Variants in CLPB observed in about 807,000 individuals in gnomAD.
CLPB encodes ClpB family mitochondrial disaggregase.
CLPB carries 40 observed loss-of-function variants against 78.4 expected under a neutral mutation model. That is an observed-to-expected ratio of 0.51 (90% CI 0.40 to 0.66). The LOEUF is 0.66. Ranked by LOEUF, CLPB falls within the 30% of genes least tolerant of loss-of-function variation. The pLI is 0.00. For synonymous variants in CLPB, 333 were observed against 348.0 expected, an observed-to-expected ratio of 0.96 and a Z score of 0.48; for missense variants, 780 against 886.9, an observed-to-expected ratio of 0.88 and a Z score of 1.53.
intron 2 of CLPB, 133 bp downstream of exon 2, chr11:72,430,176 GACT>G: frequency 2.5e-6 from 2 of 808,268 alleles, no homozygotes; most frequent in South Asian, 1.5e-5. Context: ...GTGACTCTGT[GACT>G]ACAGAGATGT....
At chr11:72,307,319 T>C (rs1437839918) in intron 8 of CLPB, 65 bp from the exon 9 acceptor site, 1 of 1,315,698 alleles carries the variant, frequency 7.6e-7, no homozygotes, top group Non-Finnish European at 1.1e-6. Context: ...AATGAAAGAA[T>C]ACTAGAAATG....
At chr11:72,354,183 T>G (rs1228778470) in intron 5 of CLPB, 2 of 373,474 alleles carry the variant, frequency 5.4e-6, no homozygotes, top group African/African-American at 4.2e-5. Flanking sequence ...GCTCTTCCCT[T>G]GCAACCTCTC....
At chr11:72,313,199 G>A (rs1405567023) in intron 7 of CLPB, among the ~76,000 whole-genome samples, 1 of 152,068 alleles carries the variant, frequency 6.6e-6, no homozygotes, top group Non-Finnish European at 1.5e-5. Flanking sequence ...TCCTTCAGAG[G>A]GACTCTCATG....
Position 72,380,925 on chromosome 11 carries a change from T to C in CLPB, c.543-541A>G, listed in dbSNP as rs528779784. Among the ~76,000 whole-genome samples, 10 of 152,288 alleles carry C rather than the reference T, an allele frequency of 6.6e-5. No homozygotes were observed. The South Asian group carries it at 2.1e-3, about 32-fold the overall frequency. ...CTACAGCTCAAAGTGTGATAAAGGT[T>C]ACGACAGGAGAAACGTGCAGCAGAC... On this transcript the variant is annotated intron_variant, in intron 3 of 15. Transcript: ENST00000538039.
intron 3 of CLPB, among the ~76,000 whole-genome samples, chr11:72,402,603 G>C (rs1007535682): frequency 2.0e-5 from 3 of 152,212 alleles, no homozygotes; most frequent in Non-Finnish European, 2.9e-5. Context: ...ACTCACTGGG[G>C]ACAGTAACTG....
intron 14 of CLPB, 63 bp from the exon 15 acceptor site, chr11:72,294,189 C>T (rs1949505748): frequency 1.9e-6 from 3 of 1,605,788 alleles, no homozygotes; most frequent in East Asian, 2.2e-5. Context: ...TCTTGCCACT[C>T]TGGCCTGAGG....
intron 5 of CLPB, among the ~76,000 whole-genome samples, chr11:72,337,858 A>C (rs1214116931): frequency 6.6e-6 from 1 of 152,180 alleles, no homozygotes; most frequent in African/African-American, 2.4e-5. Flanking sequence ...GCTTTGTAGA[A>C]AGGGGACAAG....
chr11:72,375,890 CACA>C (rs1854682435), intron 4 of CLPB, among the ~76,000 whole-genome samples: 1 of 152,160 alleles, frequency 6.6e-6, no homozygotes, highest in African/African-American at 2.4e-5. Flanking sequence ...TCTTGATATT[CACA>C]ACAATACTGA....
At chr11:72,398,653 T>A (rs1484759050) in intron 3 of CLPB, among the ~76,000 whole-genome samples, 2 of 152,238 alleles carry the variant, frequency 1.3e-5, no homozygotes, top group African/African-American at 4.8e-5. Context: ...TCTGGGACCC[T>A]GTGGCTTAGC....
At chr11:72,375,374 T>C (rs1854657640) in intron 4 of CLPB, among the ~76,000 whole-genome samples, 1 of 152,186 alleles carries the variant, frequency 6.6e-6, no homozygotes, top group African/African-American at 2.4e-5. Context: ...TGTAGCCTTC[T>C]TCACTCTCCG....
chr11:72,379,808 T>G (rs542003953), intron 4 of CLPB, among the ~76,000 whole-genome samples: 8 of 152,252 alleles, frequency 5.3e-5, no homozygotes, highest in African/African-American at 1.9e-4. Context: ...TTCAGAGTAA[T>G]AGTATTTAGG....
At chr11:72,326,863 C>A (rs117705968) in intron 6 of CLPB, among the ~76,000 whole-genome samples, 4,405 of 152,280 alleles carry the variant, frequency 0.029, 110 homozygotes, top group Non-Finnish European at 0.04. Context: ...AGGAAAAATG[C>A]AGAACAGAAT....
In CLPB at chr11:72,297,636, G is replaced by GGTGTGT. The variant is rs67807556; in HGVS notation, c.1330-1994_1330-1989dup. On this transcript the variant is annotated intron_variant, in intron 11 of 15. Transcript: ENST00000538039. ...AGGGCAGTTCTAGTTTTGGGGACCA[G>GGTGTGT]GTGTGTGTGTGTGTGTGTGTGTGTG... Among the ~76,000 whole-genome samples, 709 of 93,428 alleles carry GGTGTGT rather than the reference G, an allele frequency of 7.6e-3. 27 individuals are homozygous for GGTGTGT. The highest frequency in any genetic ancestry group is 0.013 in the Middle Eastern group (2 of 160). The allele number at this position is 93,428 out of a possible 152,430, so 61.3% of individuals were successfully genotyped here. A position where few individuals can be genotyped will look rare whatever the true frequency, so the allele number is the denominator to read the frequency against.
chr11:72,310,565 G>A (rs1949827059), intron 7 of CLPB, among the ~76,000 whole-genome samples: 1 of 152,174 alleles, frequency 6.6e-6, no homozygotes, highest in African/African-American at 2.4e-5. Context: ...ATATTGAAAC[G>A]GCAAAGGCTA....
chr11:72,380,202 A>G, intron 4 of CLPB, 79 bp downstream of exon 4: 1 of 1,068,778 alleles, frequency 9.4e-7, no homozygotes, highest in Non-Finnish European at 1.4e-6. Context: ...AGTTGCTGGT[A>G]GAGCTGACAC....
At chr11:72,340,174 C>T (rs768392286) in intron 5 of CLPB, among the ~76,000 whole-genome samples, 18 of 152,140 alleles carry the variant, frequency 1.2e-4, no homozygotes, top group African/African-American at 2.2e-4. Context: ...ACTCGTCACA[C>T]GGGGAGGCTA....
intron 7 of CLPB, among the ~76,000 whole-genome samples, chr11:72,311,920 G>A (rs923169126): frequency 6.6e-6 from 1 of 152,200 alleles, no homozygotes; most frequent in Non-Finnish European, 1.5e-5. Context: ...TGTCACTACT[G>A]GACCATCTGA....
chr11:72,405,406 C>G (rs1017162238), intron 2 of CLPB, among the ~76,000 whole-genome samples: 3 of 152,104 alleles, frequency 2.0e-5, no homozygotes, highest in African/African-American at 7.2e-5. Context: ...CAAATTTCTT[C>G]CAGAAAAGTG....
chr11:72,389,719 A>T (rs1045675628), intron 3 of CLPB, among the ~76,000 whole-genome samples: 2 of 152,152 alleles, frequency 1.3e-5, no homozygotes, highest in Non-Finnish European at 2.9e-5. Flanking sequence ...TGAGCCCAGG[A>T]GTTCAAGACC....
Sources: allele counts gnomAD v4.1 joint callset (sites outside exome capture counted in the v4.1 genomes callset), GRCh38; gene constraint gnomAD v4.1.1; transcripts MANE v1.5; gene names NCBI Gene and HGNC (gene_info 2026-07-23, HGNC 2026-07-21).